NRK: variants seen among roughly 807,000 people sequenced by gnomAD.
NRK encodes the protein nik-related protein kinase.
NRK carries 67 observed loss-of-function variants against 125.2 expected under a neutral mutation model. That is an observed-to-expected ratio of 0.54 (90% confidence interval 0.44 to 0.66). The LOEUF is 0.66. Ranked by LOEUF, NRK falls within the 30% of genes least tolerant of loss-of-function variation. NRK has a pLI of 0.00. For synonymous variants in NRK, 458 were observed against 429.0 expected (o/e 1.07, Z -0.84); for missense variants, 1,224 against 1,192.9 (o/e 1.03, Z -0.38).
intron 17 of NRK, among the ~76,000 whole-genome samples, chrX:105,922,596 A>C (rs892136981): frequency 9.8e-5 from 11 of 111,868 alleles, no homozygotes; most frequent in Admixed American, 9.5e-4. Context: ...TACCGTACAC[A>C]CATCCCTTCC....
chrX:105,886,439 C>T (rs1821869061), intron 4 of NRK, among the ~76,000 whole-genome samples: 1 of 101,826 alleles, frequency 9.8e-6, no homozygotes, highest in African/African-American at 3.5e-5. Flanking sequence ...ATTATATATA[C>T]AGATAATTAT....
At chrX:105,931,880 C>A (rs2040599495) in intron 19 of NRK, among the ~76,000 whole-genome samples, 1 of 111,489 alleles carries the variant, frequency 9.0e-6, no homozygotes, top group Admixed American at 9.5e-5. Context: ...ACCATTTCAA[C>A]CATTTTTAAG....
At chrX:105,868,782 G>A (rs1362525104) in intron 2 of NRK, among the ~76,000 whole-genome samples, 1 of 103,926 alleles carries the variant, frequency 9.6e-6, no homozygotes, top group Non-Finnish European at 2.0e-5. Context: ...TTAACTCTGA[G>A]ACTTTCAGTT....
intron 24 of NRK, among the ~76,000 whole-genome samples, chrX:105,944,983 A>G (rs1256954368): frequency 8.9e-6 from 1 of 112,115 alleles, no homozygotes; most frequent in Non-Finnish European, 1.9e-5. Context: ...ATCTAGAGTA[A>G]CTTACTTATA....
chrX:105,830,288 TG>T (rs1410309542), intron 1 of NRK, among the ~76,000 whole-genome samples: 1 of 72,270 alleles, frequency 1.4e-5, no homozygotes, highest in Non-Finnish European at 2.3e-5. Context: ...CACTCCAGCC[TG>T]GGCAACAAGA....
At position 105,937,523 on chromosome X, in the gene NRK, G is replaced by A. The variant is rs755263364; in HGVS notation, c.3740G>A (p.Arg1247Gln). ...GKADITKLIR[R>Q]RPFRQIQVLE... ...GCTGACATTACTAAACTTATAAGGC[G>A]AAGACCATTCCGCCAGATTCAAGTC... Residue 1247 changes from arginine (R) to glutamine (Q), a missense_variant, in exon 22 of 29, where the codon CGA becomes CAA. Arg to Gln is a conservative substitution (Grantham distance 43). Transcript: ENST00000243300. 28 of 1,199,552 alleles carry A rather than the reference G, an allele frequency of 2.3e-5. No homozygotes were observed. Among genetic ancestry groups the A allele is most frequent in the African/African-American group, 7.0e-5 (4 of 56,743 alleles).
intron 5 of NRK, among the ~76,000 whole-genome samples, chrX:105,889,749 T>TG (rs1737847385): frequency 8.9e-6 from 1 of 112,469 alleles, no homozygotes; most frequent in South Asian, 3.7e-4. Flanking sequence ...AGCTGTACCT[T>TG]GGCCCCTTTT....
chrX:105,923,782 A>G, intron 18 of NRK, among the ~76,000 whole-genome samples: 1 of 105,992 alleles, frequency 9.4e-6, no homozygotes, highest in African/African-American at 3.4e-5. Context: ...ATAAAACTAT[A>G]CTGAGTATGA....
At chrX:105,830,528 T>G (rs1016491306) in intron 1 of NRK, among the ~76,000 whole-genome samples, 22 of 109,991 alleles carry the variant, frequency 2.0e-4, no homozygotes, top group African/African-American at 6.6e-4. Flanking sequence ...TGAATGAGTA[T>G]AGTCAGTTCA....
At chrX:105,889,589 C>T (rs780490564) in intron 5 of NRK, among the ~76,000 whole-genome samples, 8 of 112,593 alleles carry the variant, frequency 7.1e-5, no homozygotes, top group African/African-American at 1.6e-4. Flanking sequence ...CAGCAAACTT[C>T]GGCCTGGACA....
chrX:105,827,064 G>A (rs1045255706), intron 1 of NRK, among the ~76,000 whole-genome samples: 4 of 111,325 alleles, frequency 3.6e-5, no homozygotes, highest in Non-Finnish European at 5.6e-5. Flanking sequence ...TGATTCTCAC[G>A]TAGCGAGAGT....
chrX:105,888,161 G>T, intron 4 of NRK, 133 bp from the exon 5 acceptor site: 1 of 481,062 alleles, frequency 2.1e-6, no homozygotes, highest in African/African-American at 2.5e-5. Context: ...TTTTAGTTGA[G>T]ATTTTATTAT....
chrX:105,905,159 C>A, intron 9 of NRK, 106 bp from the exon 10 acceptor site: 1 of 566,525 alleles, frequency 1.8e-6, no homozygotes, highest in Non-Finnish European at 3.0e-6. Flanking sequence ...TTAGTGTCTA[C>A]TCAACATAAT....
chrX:105,953,580 T>C (rs1180017675), intron 28 of NRK, among the ~76,000 whole-genome samples: 1 of 111,696 alleles, frequency 9.0e-6, no homozygotes, highest in African/African-American at 3.3e-5. Context: ...AGAAGGAAAA[T>C]GTACTTATGT....
At chrX:105,872,067 T>G (rs916425463) in intron 2 of NRK, among the ~76,000 whole-genome samples, 2 of 111,380 alleles carry the variant, frequency 1.8e-5, no homozygotes, top group Non-Finnish European at 3.8e-5. Flanking sequence ...AAATATCGAC[T>G]CCTGCCAGTT....
rs188809113 is a variant in NRK, at chrX:105,878,550, G to T, written c.124-1649G>T. ...ACTTGATAGTATTACTTCATGGATT[G>T]ATCCTTACAAACTCTGCCTCATTTC... is the stretch of plus-strand genomic sequence containing the variant. On this transcript the variant is annotated intron_variant, in intron 2 of 28. Transcript: ENST00000243300. Among the ~76,000 whole-genome samples the T allele has an allele frequency of 1.9e-3, 216 of 111,600 alleles. 3 individuals are homozygous for T. Among genetic ancestry groups the T allele is most frequent in the African/African-American group, 6.8e-3 (209 of 30,814 alleles).
At chrX:105,899,907 G>A (rs1000384376) in intron 8 of NRK, among the ~76,000 whole-genome samples, 1 of 109,988 alleles carries the variant, frequency 9.1e-6, no homozygotes, top group African/African-American at 3.3e-5. Flanking sequence ...GGCAGAGGTT[G>A]CAGTGAGCCG....
intron 13 of NRK, among the ~76,000 whole-genome samples, chrX:105,910,517 G>A (rs1455869489): frequency 8.9e-6 from 1 of 112,256 alleles, no homozygotes; most frequent in East Asian, 2.8e-4. Flanking sequence ...ATTATTCTCC[G>A]TGTTAGAAGA....
At chrX:105,855,804 C>A (rs1684087337) in intron 2 of NRK, among the ~76,000 whole-genome samples, 2 of 111,498 alleles carry the variant, frequency 1.8e-5, no homozygotes, top group South Asian at 7.4e-4. Flanking sequence ...TCTAAAGTAC[C>A]TTACATTAAG....
Sources: allele counts gnomAD v4.1 joint callset (sites outside exome capture counted in the v4.1 genomes callset), GRCh38; gene constraint gnomAD v4.1.1; transcripts MANE v1.5; gene names NCBI Gene and HGNC (gene_info 2026-07-23, HGNC 2026-07-21).